BTBD8: variants seen among roughly 807,000 people sequenced by gnomAD.
The protein encoded by BTBD8 is BTB domain containing 8, also known as BTB/POZ domain-containing protein 8.
A neutral mutation model predicts 162.9 loss-of-function variants in BTBD8; 110 were observed. That is an observed-to-expected ratio of 0.68 (90% CI 0.58 to 0.79). The LOEUF is 0.79. BTBD8 is among the 30% of genes least tolerant of loss of function. The pLI is 0.00. For synonymous variants in BTBD8, 667 were observed against 716.1 expected (o/e 0.93, Z 1.10); for missense variants, 1,905 against 2,085.4 (o/e 0.91, Z 1.68).
intron 5 of BTBD8, among the ~76,000 whole-genome samples, chr1:92,135,153 C>G (rs1418717155): frequency 6.6e-6 from 1 of 151,884 alleles, no homozygotes; most frequent in East Asian, 1.9e-4. Context: ...TTCCAAAGTG[C>G]TGGGATTATA....
At chr1:92,109,438 GC>G (rs1240533318) in intron 4 of BTBD8, among the ~76,000 whole-genome samples, 1 of 151,936 alleles carries the variant, frequency 6.6e-6, no homozygotes. Flanking sequence ...CCTATATTTG[GC>G]CTCTCCCTGT....
chr1:92,177,428 A>C lies in BTBD8; in HGVS notation c.2235A>C (p.Glu745Asp). 6.4e-7 allele frequency: 1 copy of C among 1,551,750 alleles called. No individual in the cohort carries two copies. Among genetic ancestry groups the C allele is most frequent in the East Asian group, 2.4e-5 (1 of 40,930 alleles). ...CAATTTCCACTGAATGTCTGGATGA[A>C]CCGAAAGAAAATGGATCAACAGAAG... ...EFSISTECLD[E>D]PKENGSTEEE... The change falls in exon 14 of 18, where the codon GAA becomes GAC. Residue 745 changes from glutamate (E) to aspartate (D), a missense_variant. Coordinates refer to ENST00000636805, the MANE Select transcript of BTBD8 (RefSeq NM_001376131.1).
chr1:92,174,912 A>G (rs1351968764), intron 13 of BTBD8, among the ~76,000 whole-genome samples: 1 of 152,228 alleles, frequency 6.6e-6, no homozygotes, highest in Non-Finnish European at 1.5e-5. Context: ...GTGCACCCAC[A>G]TTCATATATG....
intron 4 of BTBD8, among the ~76,000 whole-genome samples, chr1:92,120,954 G>A (rs555158361): frequency 1.4e-4 from 22 of 152,228 alleles, no homozygotes; most frequent in African/African-American, 4.8e-4. Flanking sequence ...GTAGAGACAG[G>A]GTTTTGCCAC....
intron 4 of BTBD8, among the ~76,000 whole-genome samples, chr1:92,128,458 T>A (rs958546536): frequency 3.3e-5 from 5 of 152,154 alleles, no homozygotes; most frequent in Non-Finnish European, 5.9e-5. Flanking sequence ...TTTTGTGTTT[T>A]TGGTAGAGAC....
Position 92,167,127 on chromosome 1 carries a change from CTCT to C in BTBD8, c.1297_1299del (p.Leu434del). On this transcript the variant is annotated inframe_deletion, in exon 10 of 18. Coordinates refer to ENST00000636805, the MANE Select transcript of BTBD8 (RefSeq NM_001376131.1). Reference sequence around the variant, plus strand: ...AAGATTATTCAGAGTGAAAATTTTGCTCTTCTTTTACAGGTACTATGCCTAAAT... The same window carrying C: ...AAGATTATTCAGAGTGAAAATTTTGCTCTTTTACAGGTACTATGCCTAAAT... The C allele has an allele frequency of 1.3e-6, 2 of 1,550,452 alleles. No individual in the cohort carries two copies. The highest frequency in any genetic ancestry group is 2.4e-5 in the South Asian group (2 of 84,054).
At chr1:92,164,385 A>G (rs1364577779) in intron 9 of BTBD8, among the ~76,000 whole-genome samples, 2 of 152,126 alleles carry the variant, frequency 1.3e-5, no homozygotes, top group African/African-American at 4.8e-5. Flanking sequence ...TGGGAGGCCA[A>G]GGCGGGTGGA....
intron 5 of BTBD8, among the ~76,000 whole-genome samples, chr1:92,133,060 G>A (rs981658845): frequency 4.6e-5 from 7 of 152,062 alleles, no homozygotes; most frequent in East Asian, 1.9e-4. Context: ...AGGGGATTAA[G>A]GAATTTTACT....
At chr1:92,093,737 A>G (rs1159790401) in intron 2 of BTBD8, among the ~76,000 whole-genome samples, 1 of 152,204 alleles carries the variant, frequency 6.6e-6, no homozygotes, top group Non-Finnish European at 1.5e-5. Flanking sequence ...AGCACTGAAT[A>G]AGATTGTTTT....
At position 92,181,008 on chromosome 1, in the gene BTBD8, G is replaced by T; in HGVS notation, c.3325G>T (p.Asp1109Tyr). 2.6e-6 allele frequency: 4 copies of T among 1,551,798 alleles called. No individual in the cohort carries two copies. The highest frequency in any genetic ancestry group is 3.5e-6 in the Non-Finnish European group (4 of 1,147,008). ...ENSLNSNPVC[D>Y]LDSTSAGQIH... ...CTCCTTGAACTCTAATCCAGTTTGT[G>T]ATTTAGACTCAACAAGTGCAGGGCA... The change falls in exon 17 of 18, where the codon GAT becomes TAT. Residue 1109 changes from aspartate to tyrosine, a missense_variant. Coordinates refer to ENST00000636805, the MANE Select transcript of BTBD8 (RefSeq NM_001376131.1).
At chr1:92,126,524 C>A (rs145468447) in intron 4 of BTBD8, 3 of 564,614 alleles carry the variant, frequency 5.3e-6, no homozygotes, top group East Asian at 4.6e-5. Flanking sequence ...TCATGCAGAC[C>A]GCTTTATTTT....
chr1:92,084,117 G>A (rs1648093249), intron 1 of BTBD8, among the ~76,000 whole-genome samples: 1 of 152,124 alleles, frequency 6.6e-6, no homozygotes, highest in African/African-American at 2.4e-5. Flanking sequence ...ACCAACTCGT[G>A]CCAATTTTAT....
intron 9 of BTBD8, among the ~76,000 whole-genome samples, chr1:92,153,048 G>A (rs981549381): frequency 1.3e-5 from 2 of 152,146 alleles, no homozygotes; most frequent in East Asian, 1.9e-4. Context: ...CCCAGAAAGA[G>A]CAAGCAGTCT....
intron 9 of BTBD8, among the ~76,000 whole-genome samples, chr1:92,149,730 G>A (rs1216412743): frequency 6.6e-6 from 1 of 152,186 alleles, no homozygotes; most frequent in Non-Finnish European, 1.5e-5. Context: ...GCTCACTGCA[G>A]CCAGATCTGT....
In BTBD8 at chr1:92,138,781, G is replaced by C. The variant is rs183657395; in HGVS notation, c.753-569G>C. 4.2e-3 allele frequency among the ~76,000 whole-genome samples: 643 copies of C among 152,306 alleles called. 6 individuals are homozygous for C. Among genetic ancestry groups the C allele is most frequent in the Non-Finnish European group, 5.9e-3 (404 of 68,026 alleles). ...GGACTAAGTTTGGTGTGGGGAGTAA[G>C]AAGAAGGTCATGAATTTAGAGTTTG... is the stretch of plus-strand genomic sequence containing the variant. On this transcript the variant is annotated intron_variant, in intron 5 of 17. Coordinates refer to ENST00000636805, the MANE Select transcript of BTBD8 (RefSeq NM_001376131.1).
chr1:92,095,448 A>G (rs757179138), intron 2 of BTBD8, among the ~76,000 whole-genome samples: 7 of 152,114 alleles, frequency 4.6e-5, no homozygotes, highest in Non-Finnish European at 8.8e-5. Flanking sequence ...AATTATAACT[A>G]ACAAATTATC....
chr1:92,105,028 G>C (rs1012444429), intron 3 of BTBD8, among the ~76,000 whole-genome samples: 1 of 151,782 alleles, frequency 6.6e-6, no homozygotes, highest in East Asian at 1.9e-4. Context: ...CGCCTCCCGG[G>C]TTCACGCCAT....
At chr1:92,161,244 C>T (rs1253221260) in intron 9 of BTBD8, among the ~76,000 whole-genome samples, 1 of 152,224 alleles carries the variant, frequency 6.6e-6, no homozygotes, top group Non-Finnish European at 1.5e-5. Context: ...TGCCATCTTG[C>T]TGATGTCACT....
At chr1:92,173,369 T>G (rs946743319) in intron 13 of BTBD8, among the ~76,000 whole-genome samples, 1 of 152,232 alleles carries the variant, frequency 6.6e-6, no homozygotes, top group African/African-American at 2.4e-5. Context: ...ACAACCCTTT[T>G]AAAGCATATT....
Sources: gnomAD v4.1 joint callset for allele counts (sites outside exome capture counted in the v4.1 genomes callset) on GRCh38, gnomAD v4.1.1 for gene constraint, MANE v1.5 for transcripts, NCBI Gene and HGNC (gene_info 2026-07-23, HGNC 2026-07-21) for gene names.